Variants in THSD4 observed in about 807,000 individuals in gnomAD.
THSD4 encodes the protein thrombospondin type-1 domain-containing protein 4.
A neutral mutation model predicts 119.0 loss-of-function variants in THSD4; 69 were observed. The ratio of observed to expected loss-of-function variants is 0.58; its 90% confidence interval spans 0.48 to 0.71. THSD4 has a LOEUF of 0.71. Among genes scored for constraint, THSD4 ranks in the 30% least tolerant of loss-of-function variants. The probability of loss-of-function intolerance (pLI) is 0.00; values close to 1 mark genes in which losing one functional copy is unlikely to be tolerated. For missense variants in THSD4, 1,393 were observed against 1,391.1 expected (o/e 1.00, Z -0.02); for synonymous variants, 524 against 540.4 (o/e 0.97, Z 0.42).
At chr15:71,313,783 C>T (rs2045146846) in intron 6 of THSD4, among the ~76,000 whole-genome samples, 1 of 152,182 alleles carries the variant, frequency 6.6e-6, no homozygotes, top group African/African-American at 2.4e-5. Flanking sequence ...GGTCTCCCTC[C>T]ATCTCCGCAG....
At chr15:71,429,541 T>A (rs2140529977) in intron 7 of THSD4, among the ~76,000 whole-genome samples, 1 of 152,356 alleles carries the variant, frequency 6.6e-6, no homozygotes, top group Non-Finnish European at 1.5e-5. Context: ...TGGTGGGTCT[T>A]GACTTTGGGC....
intron 8 of THSD4, among the ~76,000 whole-genome samples, chr15:71,666,349 C>G (rs2051416496): frequency 6.6e-6 from 1 of 151,998 alleles, no homozygotes; most frequent in Non-Finnish European, 1.5e-5. Flanking sequence ...GTTAAAGGTA[C>G]AAGTGCAGGT....
intron 3 of THSD4, among the ~76,000 whole-genome samples, chr15:71,161,443 T>C (rs904946436): frequency 5.3e-5 from 8 of 152,200 alleles, no homozygotes; most frequent in Admixed American, 3.9e-4. Flanking sequence ...GTTGGGTGCA[T>C]ACGTATTTAT....
At chr15:71,345,632 G>A (rs1387406416) in intron 6 of THSD4, among the ~76,000 whole-genome samples, 2 of 152,106 alleles carry the variant, frequency 1.3e-5, no homozygotes, top group East Asian at 3.9e-4. Context: ...ATTGTGACAG[G>A]TCCAGGCCTC....
intron 6 of THSD4, among the ~76,000 whole-genome samples, chr15:71,358,669 T>G (rs1428253539): frequency 6.6e-6 from 1 of 152,224 alleles, no homozygotes; most frequent in Non-Finnish European, 1.5e-5. Flanking sequence ...CTGTGAGAAT[T>G]AAATGAAGTA....
chr15:71,388,915 G>A (rs2046330827), intron 6 of THSD4, among the ~76,000 whole-genome samples: 1 of 152,004 alleles, frequency 6.6e-6, no homozygotes, highest in African/African-American at 2.4e-5. Context: ...TTGAGTCATG[G>A]GGGTGGTTCC....
chr15:71,736,197 CTCTCTGTCTCTCTGTTGCTG>C (rs2053100360), intron 10 of THSD4, among the ~76,000 whole-genome samples: 2 of 149,206 alleles, frequency 1.3e-5, no homozygotes, highest in East Asian at 2.0e-4. Context: ...CTCTCTCTTG[CTCTCTGTCTCTCTGTTGCTG>C]TCTCTGTCTC....
chr15:71,395,912 G>GACACACAC (rs148711899), intron 6 of THSD4, among the ~76,000 whole-genome samples: 68 of 109,600 alleles, frequency 6.2e-4, no homozygotes, highest in African/African-American at 2.6e-3. Flanking sequence ...GTTTTGAAGA[G>GACACACAC]AGACACACAC....
At chr15:71,755,552 A>C (rs2053522830) in intron 14 of THSD4, among the ~76,000 whole-genome samples, 1 of 152,144 alleles carries the variant, frequency 6.6e-6, no homozygotes, top group Non-Finnish European at 1.5e-5. Context: ...CTAGGATTAG[A>C]AAGTGCTAAT....
At chr15:71,282,849 C>A (rs1372707888) in intron 6 of THSD4, among the ~76,000 whole-genome samples, 2 of 152,114 alleles carry the variant, frequency 1.3e-5, no homozygotes, top group Non-Finnish European at 2.9e-5. Context: ...TAACAGAGTA[C>A]CCTATTTTAA....
intron 11 of THSD4, among the ~76,000 whole-genome samples, chr15:71,739,452 A>G (rs181483538): frequency 7.9e-5 from 12 of 152,326 alleles, no homozygotes; most frequent in Non-Finnish European, 1.6e-4. Flanking sequence ...GGGTCACATC[A>G]GGATGATGAA....
chr15:71,631,348 C>A (rs555457684), intron 7 of THSD4, among the ~76,000 whole-genome samples: 1 of 152,286 alleles, frequency 6.6e-6, no homozygotes, highest in South Asian at 2.1e-4. Context: ...CCTCCATTGA[C>A]AGAGGAGCAG....
chr15:71,348,618 C>A (rs1426844411), intron 6 of THSD4: 1 of 152,204 alleles, frequency 6.6e-6, no homozygotes, highest in Non-Finnish European at 1.5e-5. Context: ...GAAGGGACAA[C>A]TCTCTGTTTT....
At chr15:71,315,321 C>A (rs565126780) in intron 6 of THSD4, among the ~76,000 whole-genome samples, 1 of 152,386 alleles carries the variant, frequency 6.6e-6, no homozygotes, top group South Asian at 2.1e-4. Context: ...AAAACCTGGA[C>A]TTTTAATTGT....
chr15:71,548,345 G>A lies in THSD4; in HGVS notation c.1153-112185G>A, dbSNP rs116327134. ...GTCTTTGAAAAGCCAAATGAAAAGT[G>A]TATCTCCTAAAAAGGCCATGAGGCC... On this transcript the variant is annotated intron_variant, in intron 7 of 17. Coordinates refer to ENST00000261862, the MANE Select transcript of THSD4 (RefSeq NM_024817.3). Among the ~76,000 whole-genome samples, 768 of 152,278 alleles carry A rather than the reference G, an allele frequency of 5.0e-3. 8 individuals are homozygous for A. Among genetic ancestry groups the A allele is most frequent in the African/African-American group, 0.017 (700 of 41,546 alleles).
At position 71,256,662 on chromosome 15, in the gene THSD4, A is replaced by G; in HGVS notation, c.962A>G (p.Tyr321Cys). 2 of 1,614,034 alleles carry G rather than the reference A, an allele frequency of 1.2e-6. No individual in the cohort carries two copies. Among genetic ancestry groups the G allele is most frequent in the Non-Finnish European group, 1.7e-6 (2 of 1,179,978 alleles). ...RSIREVQCAS[Y>C]NNKPFMGRFY... Reference sequence around the variant, plus strand: ...ATCCGGGAGGTACAGTGTGCATCCTACAACAACAAGCCATTCATGGGCCGG... The same window carrying G: ...ATCCGGGAGGTACAGTGTGCATCCTGCAACAACAAGCCATTCATGGGCCGG... The change falls in exon 6 of 18, where the codon TAC (tyrosine) becomes TGC (cysteine). Residue 321 changes from tyrosine (Y) to cysteine (C), a missense_variant. Physicochemically the swap from Tyr to Cys is radical, Grantham distance 194. Transcript: ENST00000261862.
intron 7 of THSD4, among the ~76,000 whole-genome samples, chr15:71,569,760 AAGTCGGGC>A (rs2049314445): frequency 6.6e-6 from 1 of 152,188 alleles, no homozygotes; most frequent in African/African-American, 2.4e-5. Flanking sequence ...TTGGGAGACC[AAGTCGGGC>A]AGATCACTTG....
chr15:71,703,067 G>A (rs929739882), intron 8 of THSD4, among the ~76,000 whole-genome samples: 5 of 151,500 alleles, frequency 3.3e-5, no homozygotes, highest in South Asian at 2.1e-4. Flanking sequence ...TGCAACCTCC[G>A]CCTCCTGGGT....
chr15:71,370,746 A>T (rs2046033457), intron 6 of THSD4, among the ~76,000 whole-genome samples: 1 of 152,238 alleles, frequency 6.6e-6, no homozygotes, highest in Non-Finnish European at 1.5e-5. Context: ...GCTGAGAAGA[A>T]TGTATATTCT....
Sources: allele counts gnomAD v4.1 joint callset (sites outside exome capture counted in the v4.1 genomes callset), GRCh38; gene constraint gnomAD v4.1.1; transcripts MANE v1.5; gene names NCBI Gene and HGNC (gene_info 2026-07-23, HGNC 2026-07-21).